Variants in TSHZ2 observed in about 807,000 individuals in gnomAD.
TSHZ2 encodes teashirt homolog 2.
A neutral mutation model predicts 74.4 loss-of-function variants in TSHZ2; 21 were observed. That is an observed-to-expected ratio of 0.28 (90% CI 0.20 to 0.41). The LOEUF is 0.41. TSHZ2 is among the 10% of genes least tolerant of loss of function. The pLI is 1.00. For missense variants in TSHZ2, 1,244 were observed against 1,293.5 expected (o/e 0.96, Z 0.59); for synonymous variants, 540 against 515.3 (o/e 1.05, Z -0.65).
At chr20:53,014,195 C>CAGAGAG (rs10539599) in intron 1 of TSHZ2, among the ~76,000 whole-genome samples, 9 of 150,044 alleles carry the variant, frequency 6.0e-5, no homozygotes, top group South Asian at 2.1e-4. Flanking sequence ...CTTCATACGG[C>CAGAGAG]AGAGAGAGAG....
rs975269060 is a variant in TSHZ2 at position 53,323,595 on chromosome 20, T to G, written c.*8+67024T>G. Among the ~76,000 whole-genome samples, 26 of 117,142 alleles carry G rather than the reference T, an allele frequency of 2.2e-4. No individual in the cohort carries two copies. In the East Asian group the frequency reaches 7.1e-3, roughly 32 times the overall value. The allele number at this position is 117,142 out of a possible 152,430, so 76.8% of individuals were successfully genotyped here. A position where few individuals can be genotyped will look rare whatever the true frequency, so the allele number is the denominator to read the frequency against. Reference sequence around the variant, plus strand: ...TTTTTTTTTTTTTTTTTTTTTTTTTTGACAGAGTCATGCTCTGTCATCCAG... The same window carrying G: ...TTTTTTTTTTTTTTTTTTTTTTTTTGGACAGAGTCATGCTCTGTCATCCAG... On this transcript the variant is annotated intron_variant, in intron 2 of 2. Coordinates refer to ENST00000371497, the MANE Select transcript of TSHZ2 (RefSeq NM_173485.6).
Position 53,488,850 on chromosome 20 carries a change from A to C in TSHZ2, c.*1715A>C. ...ACATTGGGATTAAAAAAAAAAAAAA[A>C]CTTCTTATTTACCTCCTAGGGAAAG... is the stretch of plus-strand genomic sequence containing the variant. On this transcript the variant is annotated 3_prime_UTR_variant, in exon 3 of 3. Transcript: ENST00000371497. The C allele has an allele frequency of 2.9e-6, 1 of 339,498 alleles. No individual in the cohort carries two copies. Among genetic ancestry groups the C allele is most frequent in the Non-Finnish European group, 5.8e-6 (1 of 173,068 alleles). The allele number at this position is 339,498 out of a possible 1,614,324, so 21.0% of individuals were successfully genotyped here.
chr20:53,359,653 G>A (rs1006047010), intron 2 of TSHZ2, among the ~76,000 whole-genome samples: 2 of 152,174 alleles, frequency 1.3e-5, no homozygotes, highest in African/African-American at 2.4e-5. Flanking sequence ...CTGAGCAGCG[G>A]GGCCAGCAAA....
chr20:53,018,614 T>C (rs1025503439), intron 1 of TSHZ2, among the ~76,000 whole-genome samples: 19 of 152,206 alleles, frequency 1.2e-4, no homozygotes, highest in Non-Finnish European at 2.1e-4. Flanking sequence ...CTATCACAGG[T>C]CACCACTGCC....
At chr20:53,237,308 T>C (rs777332407) in intron 1 of TSHZ2, among the ~76,000 whole-genome samples, 23 of 152,160 alleles carry the variant, frequency 1.5e-4, no homozygotes, top group Non-Finnish European at 2.6e-4. Context: ...TTTGTGTGTG[T>C]TTGGAGCCCA....
At chr20:53,055,182 G>A (rs1984598617) in intron 1 of TSHZ2, among the ~76,000 whole-genome samples, 1 of 152,164 alleles carries the variant, frequency 6.6e-6, no homozygotes, top group Admixed American at 6.5e-5. Flanking sequence ...CCACACCATT[G>A]TCTTCCACAG....
intron 1 of TSHZ2, among the ~76,000 whole-genome samples, chr20:53,076,408 G>A (rs987754817): frequency 6.6e-6 from 1 of 152,184 alleles, no homozygotes; most frequent in South Asian, 2.1e-4. Context: ...AGGCCCTATT[G>A]TGTGCCAGGC....
intron 1 of TSHZ2, among the ~76,000 whole-genome samples, chr20:53,068,271 A>G (rs1404557392): frequency 6.6e-6 from 1 of 152,002 alleles, no homozygotes; most frequent in East Asian, 1.9e-4. Flanking sequence ...GTAAATTCCA[A>G]CACTTTACCA....
At chr20:53,405,248 C>CAAAAA (rs796097312) in intron 2 of TSHZ2, among the ~76,000 whole-genome samples, 9 of 143,386 alleles carry the variant, frequency 6.3e-5, no homozygotes, top group African/African-American at 2.5e-4. Flanking sequence ...GACTCTGTCT[C>CAAAAA]AAAAAAAAAA....
At chr20:53,293,742 G>A (rs2145464391) in intron 2 of TSHZ2, among the ~76,000 whole-genome samples, 1 of 151,266 alleles carries the variant, frequency 6.6e-6, no homozygotes, top group East Asian at 1.9e-4. Context: ...TCCTGGCCAG[G>A]CATGGTGGCT....
chr20:53,092,863 T>C (rs1006912766), intron 1 of TSHZ2, among the ~76,000 whole-genome samples: 1 of 152,200 alleles, frequency 6.6e-6, no homozygotes, highest in Admixed American at 6.5e-5. Context: ...TGGATATATA[T>C]GTTCAGCTTT....
At chr20:53,135,007 G>GACACACACACACACACACACACACAC (rs139347142) in intron 1 of TSHZ2, among the ~76,000 whole-genome samples, 4 of 148,604 alleles carry the variant, frequency 2.7e-5, no homozygotes, top group Admixed American at 2.7e-4. Context: ...TGCACATGCA[G>GACACACACACACACACACACACACAC]ACACACACAC....
At chr20:53,200,544 G>T (rs1042431346) in intron 1 of TSHZ2, among the ~76,000 whole-genome samples, 2 of 152,202 alleles carry the variant, frequency 1.3e-5, no homozygotes, top group Admixed American at 6.5e-5. Flanking sequence ...GATTGGATAT[G>T]CATTAAAGAC....
intron 2 of TSHZ2, among the ~76,000 whole-genome samples, chr20:53,446,597 AG>A (rs1984561126): frequency 6.9e-6 from 1 of 145,264 alleles, no homozygotes; most frequent in Non-Finnish European, 1.5e-5. Flanking sequence ...AAAAAAAAAG[AG>A]AGAGAAGGAA....
At chr20:53,460,029 T>C (rs933895059) in intron 2 of TSHZ2, among the ~76,000 whole-genome samples, 2 of 152,090 alleles carry the variant, frequency 1.3e-5, no homozygotes, top group African/African-American at 2.4e-5. Flanking sequence ...CTGACAATTA[T>C]GTGTCTTGGA....
chr20:53,461,801 G>C (rs999671340), intron 2 of TSHZ2, among the ~76,000 whole-genome samples: 1 of 152,122 alleles, frequency 6.6e-6, no homozygotes, highest in African/African-American at 2.4e-5. Context: ...ATTACTTCAT[G>C]GTTACCAGGA....
intron 1 of TSHZ2, among the ~76,000 whole-genome samples, chr20:53,190,001 C>T (rs767260543): frequency 1.1e-4 from 16 of 144,754 alleles, no homozygotes; most frequent in South Asian, 6.7e-4. Context: ...GGAGGATCAC[C>T]CGAGCCAGGG....
At chr20:53,271,721 G>A (rs893815138) in intron 2 of TSHZ2, among the ~76,000 whole-genome samples, 6 of 152,172 alleles carry the variant, frequency 3.9e-5, no homozygotes, top group East Asian at 1.9e-4. Context: ...AAGAAGGAAC[G>A]GCAAGAGTAA....
intron 1 of TSHZ2, among the ~76,000 whole-genome samples, chr20:53,125,694 A>G (rs1482673431): frequency 1.3e-5 from 2 of 152,156 alleles, no homozygotes; most frequent in Non-Finnish European, 2.9e-5. Flanking sequence ...TATATAAAAG[A>G]TTACCCAAAC....
Sources: allele counts gnomAD v4.1 joint callset (sites outside exome capture counted in the v4.1 genomes callset), GRCh38; gene constraint gnomAD v4.1.1; transcripts MANE v1.5; gene names NCBI Gene and HGNC (gene_info 2026-07-23, HGNC 2026-07-21).